The following LRMDA variants were observed in gnomAD, a reference collection of about 807,000 sequenced individuals.
LRMDA encodes the protein leucine rich melanocyte differentiation associated.
LRMDA carries 18 observed loss-of-function variants against 29.8 expected under a neutral mutation model. That is an observed-to-expected ratio of 0.60 (90% confidence interval 0.42 to 0.90). The LOEUF (loss-of-function observed/expected upper bound fraction) is 0.90, where lower values mean the gene tolerates loss of function less well. LRMDA is among the 40% of genes least tolerant of loss of function. The pLI is 0.00. For synonymous variants in LRMDA, 125 were observed against 109.4 expected, an observed-to-expected ratio of 1.14 and a Z score of -0.89; for missense variants, 273 against 273.9, an observed-to-expected ratio of 1.00 and a Z score of 0.02.
intron 5 of LRMDA, among the ~76,000 whole-genome samples, chr10:76,130,561 G>C (rs1177373102): frequency 6.6e-6 from 1 of 152,188 alleles, no homozygotes; most frequent in Non-Finnish European, 1.5e-5. Flanking sequence ...GTTTTGGCTT[G>C]TGTGAGAAGG....
chr10:76,343,795 G>C (rs934921335), intron 6 of LRMDA, among the ~76,000 whole-genome samples: 3 of 148,140 alleles, frequency 2.0e-5, no homozygotes, highest in East Asian at 3.9e-4. Flanking sequence ...TATTATAAAA[G>C]TTTCATGTTT....
chr10:76,097,673 A>G (rs1849333906), intron 5 of LRMDA, among the ~76,000 whole-genome samples: 1 of 152,150 alleles, frequency 6.6e-6, no homozygotes, highest in African/African-American at 2.4e-5. Flanking sequence ...CATTGAGGTG[A>G]GTATATAGTT....
At chr10:75,709,250 A>G (rs533897368) in intron 2 of LRMDA, among the ~76,000 whole-genome samples, 1 of 152,230 alleles carries the variant, frequency 6.6e-6, no homozygotes, top group Non-Finnish European at 1.5e-5. Flanking sequence ...GACAACAGGA[A>G]AATAAATTTA....
At position 75,930,134 on chromosome 10, in the gene LRMDA, A is replaced by G. The variant is rs750488350; in HGVS notation, c.132-105874A>G. Among the ~76,000 whole-genome samples the G allele has an allele frequency of 1.7e-3, 262 of 152,334 alleles. 1 individual carries two copies. The highest frequency in any genetic ancestry group is 2.9e-3 in the Non-Finnish European group (198 of 68,030). ...GCGAATAGATTTATGCTCTGCTTCT[A>G]ATGGTTCATGAAGCCTAAGTATATC... On this transcript the variant is annotated intron_variant, in intron 2 of 6. Coordinates refer to ENST00000611255, the MANE Select transcript of LRMDA (RefSeq NM_001305581.2).
At chr10:76,198,368 G>A (rs1342377908) in intron 5 of LRMDA, among the ~76,000 whole-genome samples, 2 of 152,242 alleles carry the variant, frequency 1.3e-5, no homozygotes, top group Non-Finnish European at 2.9e-5. Context: ...CTTTGAGGAG[G>A]AAGAGTCTTA....
chr10:75,618,370 CTCTCTCTCTCTCTATATA>C (rs1363333440), intron 2 of LRMDA, among the ~76,000 whole-genome samples: 24 of 80,150 alleles, frequency 3.0e-4, no homozygotes, highest in Admixed American at 2.5e-3. Flanking sequence ...CTCTCTCTCT[CTCTCTCTCTCTCTATATA>C]TATATATATA....
intron 5 of LRMDA, among the ~76,000 whole-genome samples, chr10:76,202,688 T>C (rs1851455308): frequency 6.6e-6 from 1 of 152,068 alleles, no homozygotes; most frequent in South Asian, 2.1e-4. Context: ...TTTTCTCTTT[T>C]TAAAACATAT....
intron 5 of LRMDA, among the ~76,000 whole-genome samples, chr10:76,289,989 T>C (rs1020858758): frequency 1.4e-4 from 21 of 152,348 alleles, no homozygotes; most frequent in African/African-American, 4.8e-4. Context: ...GCAAGGCTTC[T>C]GCATTTCTAG....
intron 5 of LRMDA, among the ~76,000 whole-genome samples, chr10:76,262,078 A>G (rs1004694551): frequency 1.3e-5 from 2 of 152,022 alleles, no homozygotes; most frequent in East Asian, 3.9e-4. Context: ...AAAAAAAAAT[A>G]ATAATAATAA....
intron 2 of LRMDA, among the ~76,000 whole-genome samples, chr10:75,621,021 A>G (rs997381329): frequency 3.9e-5 from 6 of 152,068 alleles, no homozygotes; most frequent in African/African-American, 1.4e-4. Context: ...CCAAAGTCTA[A>G]TGTATCATTC....
chr10:75,598,783 A>G (rs1418932910), intron 2 of LRMDA, among the ~76,000 whole-genome samples: 1 of 152,194 alleles, frequency 6.6e-6, no homozygotes, highest in Non-Finnish European at 1.5e-5. Context: ...CTAAGAAGTT[A>G]TGGAGGGGGC....
chr10:75,853,720 G>A (rs929618406), intron 2 of LRMDA, among the ~76,000 whole-genome samples: 15 of 152,154 alleles, frequency 9.9e-5, no homozygotes, highest in Non-Finnish European at 2.9e-5. Context: ...CTGTGTCCTT[G>A]AAACCAGCCG....
chr10:75,550,006 A>G (rs796679659), intron 2 of LRMDA, among the ~76,000 whole-genome samples: 52 of 152,306 alleles, frequency 3.4e-4, no homozygotes, highest in African/African-American at 1.2e-3. Context: ...GTAGTATTCT[A>G]TTGTGTGAAT....
At chr10:76,052,594 C>G (rs911359479) in intron 4 of LRMDA, among the ~76,000 whole-genome samples, 1 of 152,200 alleles carries the variant, frequency 6.6e-6, no homozygotes, top group African/African-American at 2.4e-5. Context: ...TCTCCTGTTC[C>G]TTTTCTCCTC....
At chr10:76,398,573 G>T (rs1031539897) in intron 6 of LRMDA, among the ~76,000 whole-genome samples, 6 of 152,184 alleles carry the variant, frequency 3.9e-5, no homozygotes, top group Admixed American at 2.6e-4. Flanking sequence ...GGGCCAGAAA[G>T]AATGCATTTG....
chr10:76,158,958 GA>G (rs1223626713), intron 5 of LRMDA, among the ~76,000 whole-genome samples: 2 of 152,114 alleles, frequency 1.3e-5, no homozygotes, highest in Admixed American at 6.6e-5. Context: ...TTCTATTCAT[GA>G]GATAGAATTC....
intron 2 of LRMDA, among the ~76,000 whole-genome samples, chr10:75,878,016 C>T (rs190181098): frequency 1.6e-4 from 24 of 152,230 alleles, no homozygotes; most frequent in East Asian, 3.9e-4. Flanking sequence ...AGCATGCAGA[C>T]GGGCAGGTCA....
chr10:75,724,351 A>G (rs953231927), intron 2 of LRMDA, among the ~76,000 whole-genome samples: 1 of 152,164 alleles, frequency 6.6e-6, no homozygotes, highest in Non-Finnish European at 1.5e-5. Context: ...CCCATTAACA[A>G]ATTTGTATAG....
intron 5 of LRMDA, among the ~76,000 whole-genome samples, chr10:76,308,028 T>C (rs1300229404): frequency 6.6e-6 from 1 of 152,160 alleles, no homozygotes; most frequent in Non-Finnish European, 1.5e-5. Context: ...CATAGAGTCA[T>C]TTTGGTCAAG....
Sources: allele counts gnomAD v4.1 joint callset (sites outside exome capture counted in the v4.1 genomes callset), GRCh38; gene constraint gnomAD v4.1.1; transcripts MANE v1.5; gene names NCBI Gene and HGNC (gene_info 2026-07-23, HGNC 2026-07-21).